Variants in STK32C observed in about 807,000 individuals in gnomAD.
The protein encoded by STK32C is serine/threonine kinase 32C.
Under a neutral mutation model 56.5 loss-of-function variants are expected in STK32C, and 31 were observed. The ratio of observed to expected loss-of-function variants is 0.55; its 90% confidence interval spans 0.41 to 0.74. The LOEUF is 0.74. Ranked by LOEUF, STK32C falls within the 30% of genes least tolerant of loss-of-function variation. STK32C has a pLI of 0.00. For synonymous variants in STK32C, 309 were observed against 289.4 expected, an observed-to-expected ratio of 1.07 and a Z score of -0.69; for missense variants, 544 against 676.9, an observed-to-expected ratio of 0.80 and a Z score of 2.18.
chr10:132,219,090 T>C (rs2062555727), intron 10 of STK32C, among the ~76,000 whole-genome samples: 1 of 152,216 alleles, frequency 6.6e-6, no homozygotes, highest in Non-Finnish European at 1.5e-5. Flanking sequence ...GGTCTTTCTC[T>C]TACATTACAT....
At chr10:132,268,863 G>A (rs1228322135) in intron 1 of STK32C, among the ~76,000 whole-genome samples, 1 of 148,708 alleles carries the variant, frequency 6.7e-6, no homozygotes, top group Non-Finnish European at 1.5e-5. Context: ...CTGTGTGCAT[G>A]CATGTCCCAC....
intron 1 of STK32C, among the ~76,000 whole-genome samples, chr10:132,278,615 G>A (rs2065058409): frequency 6.6e-6 from 1 of 152,032 alleles, no homozygotes; most frequent in South Asian, 2.1e-4. Context: ...GAAAAAATTA[G>A]CCGGGCGTGG....
intron 1 of STK32C, among the ~76,000 whole-genome samples, chr10:132,273,031 T>C (rs535304643): frequency 6.6e-6 from 1 of 152,292 alleles, no homozygotes; most frequent in Non-Finnish European, 1.5e-5. Flanking sequence ...CCCTATTTAG[T>C]GTGTCGTTTT....
At position 132,226,888 on chromosome 10, in the gene STK32C, T is replaced by C. The variant is rs1289942710; in HGVS notation, c.551A>G (p.Gln184Arg). The C allele has an allele frequency of 6.2e-7, 1 of 1,613,380 alleles. No homozygotes were observed. The highest frequency in any genetic ancestry group is 1.3e-5 in the African/African-American group (1 of 74,956). Residue 184 changes from glutamine to arginine, a missense_variant, in exon 4 of 12, where the codon CAG becomes CGG. Coordinates refer to ENST00000298630, the MANE Select transcript of STK32C (RefSeq NM_173575.4). Reference protein sequence around the residue: ...LGGDLRYHLQQNVQFSEDTVR... With the variant: ...LGGDLRYHLQRNVQFSEDTVR... The stretch of plus-strand genomic sequence containing the variant: ...CGTGTCCTCGGAGAACTGCACGTTC[T>C]GCTGCAGGTGGTAGCGCAGGTCCCC...
At chr10:132,313,533 T>G (rs1321512140) in intron 1 of STK32C, among the ~76,000 whole-genome samples, 2 of 152,214 alleles carry the variant, frequency 1.3e-5, no homozygotes, top group African/African-American at 4.8e-5. Context: ...AAAGAGGGGA[T>G]GCACAGAGGG....
chr10:132,230,514 G>A (rs1447377465), intron 2 of STK32C, among the ~76,000 whole-genome samples: 1 of 152,188 alleles, frequency 6.6e-6, no homozygotes, highest in Non-Finnish European at 1.5e-5. Context: ...GCCACTGCAG[G>A]TCTGGAAACT....
At chr10:132,269,946 C>CT (rs2064762751) in intron 1 of STK32C, among the ~76,000 whole-genome samples, 1 of 152,244 alleles carries the variant, frequency 6.6e-6, no homozygotes, top group African/African-American at 2.4e-5. Context: ...GCCAGGCCCC[C>CT]TGTCCTCCAC....
intron 1 of STK32C, among the ~76,000 whole-genome samples, chr10:132,295,885 A>G (rs568329389): frequency 1.3e-5 from 2 of 152,072 alleles, no homozygotes; most frequent in East Asian, 1.9e-4. Context: ...TCCATCTTAA[A>G]AAAAAAAAGA....
rs2064106645 is a variant in STK32C at position 132,255,960 on chromosome 10, C to T, written c.263-10005G>A. On this transcript the variant is annotated intron_variant, in intron 1 of 11. Transcript: ENST00000298630. This position sits in a 1 kb window ranked among gnomAD's most constrained non-coding sequence, Gnocchi z 4.6. The stretch of plus-strand genomic sequence containing the variant: ...CTGCACACCCTGGAGCCCTGGTGTC[C>T]AGCTTGGACTCGCCCGGGTGGCTTG... Among the ~76,000 whole-genome samples the T allele has an allele frequency of 6.6e-6, 1 of 152,226 alleles. No homozygotes were observed. Among genetic ancestry groups the T allele is most frequent in the African/African-American group, 2.4e-5 (1 of 41,462 alleles).
At chr10:132,309,209 C>T (rs371070943), upstream of STK32C, among the ~76,000 whole-genome samples, 7 of 152,196 alleles carry the variant, frequency 4.6e-5, no homozygotes, top group African/African-American at 1.4e-4. Context: ...TGTGGCCGCC[C>T]GCCCTAACCG....
chr10:132,212,718 A>G (rs1470702416), intron 10 of STK32C, among the ~76,000 whole-genome samples: 2 of 152,390 alleles, frequency 1.3e-5, no homozygotes, highest in East Asian at 3.9e-4. Flanking sequence ...GAAGAAACAC[A>G]GAGACGAGCA....
intron 1 of STK32C, among the ~76,000 whole-genome samples, chr10:132,272,700 C>T (rs1044034799): frequency 6.6e-6 from 1 of 152,228 alleles, no homozygotes; most frequent in East Asian, 1.9e-4. Flanking sequence ...CCGCCTCCAC[C>T]CTCGCCCTAG....
intron 2 of STK32C, among the ~76,000 whole-genome samples, chr10:132,231,431 C>T (rs2063096599): frequency 6.6e-6 from 1 of 152,250 alleles, no homozygotes; most frequent in Non-Finnish European, 1.5e-5. Flanking sequence ...GGAACATTCT[C>T]AGCTCAACTG....
chr10:132,315,324 G>T (rs2066292044), intron 1 of STK32C, among the ~76,000 whole-genome samples: 1 of 152,076 alleles, frequency 6.6e-6, no homozygotes, highest in Non-Finnish European at 1.5e-5. Flanking sequence ...CTGGGGGTTT[G>T]GGGGCAAGGG....
At chr10:132,244,355 C>T (rs563973460) in intron 2 of STK32C, among the ~76,000 whole-genome samples, 292 of 152,312 alleles carry the variant, frequency 1.9e-3, no homozygotes, top group Non-Finnish European at 3.2e-3. Flanking sequence ...AAGGACTGGT[C>T]CAAGGAGTAG....
chr10:132,216,512 G>A (rs1269443408), intron 10 of STK32C, among the ~76,000 whole-genome samples: 3 of 151,692 alleles, frequency 2.0e-5, no homozygotes, highest in Non-Finnish European at 4.4e-5. Context: ...CCCATTTTCT[G>A]AGGAGAAATT....
chr10:132,272,355 CTG>C (rs2064854792), intron 1 of STK32C, among the ~76,000 whole-genome samples: 1 of 152,252 alleles, frequency 6.6e-6, no homozygotes, highest in African/African-American at 2.4e-5. Flanking sequence ...GCCTCCGGAT[CTG>C]TGAGAGTGCA....
intron 1 of STK32C, among the ~76,000 whole-genome samples, chr10:132,317,392 C>T (rs893784811): frequency 2.0e-5 from 3 of 152,168 alleles, no homozygotes; most frequent in Non-Finnish European, 4.4e-5. Context: ...CATTGGTCTT[C>T]ACTAAAGTTA....
At chr10:132,310,306 G>T (rs1361660093), upstream of STK32C, among the ~76,000 whole-genome samples, 2 of 152,248 alleles carry the variant, frequency 1.3e-5, no homozygotes, top group African/African-American at 4.8e-5. The surrounding 1 kb of genome is among the most constrained non-coding windows in gnomAD (Gnocchi z 4.6). Context: ...CGGGTCCTAA[G>T]ATTTGGCCAG....
Sources: gnomAD v4.1 joint callset for allele counts (sites outside exome capture counted in the v4.1 genomes callset) on GRCh38, gnomAD v4.1.1 for gene constraint, Gnocchi (gnomAD v3.1) non-coding constraint, MANE v1.5 for transcripts, NCBI Gene and HGNC (gene_info 2026-07-23, HGNC 2026-07-21) for gene names.